The following SETD2 variants were observed in gnomAD, a reference collection of about 807,000 sequenced individuals.
SETD2 encodes SET domain containing 2, histone lysine methyltransferase.
SETD2 carries 31 observed loss-of-function variants against 242.1 expected under a neutral mutation model. That is an observed-to-expected ratio of 0.13 (90% CI 0.10 to 0.17). The LOEUF is 0.17. SETD2 is among the 10% of genes least tolerant of loss of function. SETD2 has a pLI of 1.00. For missense variants in SETD2, 2,481 were observed against 3,046.3 expected, an observed-to-expected ratio of 0.81 and a Z score of 4.37; for synonymous variants, 1,006 against 1,066.5, an observed-to-expected ratio of 0.94 and a Z score of 1.11.
intron 14 of SETD2, among the ~76,000 whole-genome samples, chr3:47,061,440 A>T: frequency 6.6e-6 from 1 of 152,160 alleles, no homozygotes; most frequent in Non-Finnish European, 1.5e-5. Context: ...ACAGCACCTT[A>T]CAGTAGGGAA....
intron 15 of SETD2, 109 bp from the exon 16 acceptor site, chr3:47,046,730 T>C (rs2039549522): frequency 1.0e-6 from 1 of 984,056 alleles, no homozygotes; most frequent in Middle Eastern, 3.6e-4. Context: ...CATTTTAAAA[T>C]TTTTTGTTTA....
At chr3:47,138,101 A>C (rs1312857339) in intron 1 of SETD2, among the ~76,000 whole-genome samples, 1 of 150,444 alleles carries the variant, frequency 6.6e-6, no homozygotes, top group Non-Finnish European at 1.5e-5. Flanking sequence ...CCTCCCGAGT[A>C]GCTGGGACTA....
At chr3:47,104,948 T>C (rs2042352134) in intron 6 of SETD2, among the ~76,000 whole-genome samples, 1 of 152,128 alleles carries the variant, frequency 6.6e-6, no homozygotes, top group Non-Finnish European at 1.5e-5. Context: ...TTTTTTGTTT[T>C]TGTAGAGATG....
At chr3:47,116,594 G>A (rs1434325234) in intron 4 of SETD2, 29 bp downstream of exon 4, 1 of 1,590,272 alleles carries the variant, frequency 6.3e-7, no homozygotes, top group Admixed American at 1.8e-5. Flanking sequence ...GAAGTGTTGA[G>A]CAAAAGCCGA....
intron 2 of SETD2, among the ~76,000 whole-genome samples, 193 bp downstream of exon 2, chr3:47,126,455 T>A (rs1480351279): frequency 6.6e-6 from 1 of 152,248 alleles, no homozygotes; most frequent in Non-Finnish European, 1.5e-5. Context: ...TTAAAAACCA[T>A]TTTTCTGAGA....
intron 1 of SETD2, among the ~76,000 whole-genome samples, chr3:47,162,395 C>G (rs1350797360): frequency 6.6e-6 from 1 of 151,996 alleles, no homozygotes; most frequent in Non-Finnish European, 1.5e-5. Context: ...AGTAGCAAAA[C>G]AAAAAGACCA....
At chr3:47,158,205 GA>G (rs909163546) in intron 1 of SETD2, among the ~76,000 whole-genome samples, 2 of 151,924 alleles carry the variant, frequency 1.3e-5, no homozygotes, top group Non-Finnish European at 2.9e-5. Flanking sequence ...ATATTGAGGG[GA>G]AAAAAACCAA....
At chr3:47,021,160 A>G (rs1297567057) in intron 18 of SETD2, among the ~76,000 whole-genome samples, 2 of 152,194 alleles carry the variant, frequency 1.3e-5, no homozygotes, top group Non-Finnish European at 2.9e-5. Flanking sequence ...TGGTATGAGT[A>G]TGCTCCACAG....
intron 3 of SETD2, among the ~76,000 whole-genome samples, chr3:47,117,285 C>CAAAAAAAA (rs1191196844): frequency 1.2e-4 from 3 of 24,792 alleles, no homozygotes; most frequent in African/African-American, 4.6e-4. Flanking sequence ...AAAAAACAAA[C>CAAAAAAAA]AAAAAAAAAA....
At chr3:47,064,449 C>T (rs564406248) in intron 13 of SETD2, 1 of 181,302 alleles carries the variant, frequency 5.5e-6, no homozygotes, top group Admixed American at 6.1e-5. Flanking sequence ...CTACCCACGT[C>T]TATCTTGCTT....
At chr3:47,159,187 T>C (rs922139656) in intron 1 of SETD2, among the ~76,000 whole-genome samples, 2 of 152,240 alleles carry the variant, frequency 1.3e-5, no homozygotes, top group Admixed American at 6.5e-5. Context: ...TCCAGCTTCA[T>C]GGCTTGAATA....
chr3:47,121,139 T>C lies in SETD2; in HGVS notation c.3497A>G (p.Asp1166Gly), dbSNP rs2106640736. ...TGTATGACTTGTACTATCAACCCCATCACTCTGAGGATGAGAAAGTTCAGG... is the reference window on the plus strand; with the variant it reads ...TGTATGACTTGTACTATCAACCCCACCACTCTGAGGATGAGAAAGTTCAGG... ...RLPELSHPQS[D>G]GVDSTSHTDV... is the part of the protein sequence containing the mutation. Residue 1166 changes from aspartate to glycine, a missense_variant, in exon 3 of 21, where the codon GAT becomes GGT. This residue lies in a region of SETD2 where 1,300 missense variants were observed against 1,259.2 expected (regional missense o/e 1.03). Transcript: ENST00000409792. 4.3e-6 allele frequency: 7 copies of C among 1,614,168 alleles called. No homozygotes were observed. Among genetic ancestry groups the C allele is most frequent in the South Asian group, 3.3e-5 (3 of 91,082 alleles).
intron 1 of SETD2, among the ~76,000 whole-genome samples, chr3:47,133,408 C>CA (rs1272156312): frequency 6.6e-6 from 1 of 151,992 alleles, no homozygotes; most frequent in Non-Finnish European, 1.5e-5. Flanking sequence ...TAAAGATAAT[C>CA]AAATATGAAA....
At chr3:47,139,232 A>G (rs1245122908) in intron 1 of SETD2, among the ~76,000 whole-genome samples, 1 of 152,058 alleles carries the variant, frequency 6.6e-6, no homozygotes, top group Non-Finnish European at 1.5e-5. Context: ...CATCACCCCC[A>G]TATCTACCTT....
chr3:47,120,929 C>T lies in SETD2; in HGVS notation c.3707G>A (p.Ser1236Asn), dbSNP rs1398117976. The change falls in exon 3 of 21, where the codon AGT becomes AAT. Residue 1236 changes from serine (S) to asparagine (N), a missense_variant. This residue lies in a region of SETD2 where 1,300 missense variants were observed against 1,259.2 expected (regional missense o/e 1.03). Coordinates refer to ENST00000409792, the MANE Select transcript of SETD2 (RefSeq NM_014159.7). The part of the protein sequence containing the change: ...PDSRLGKTEL[S>N]FSSSCEIPHV... ...TGGTATCTCACAAGAGGAAGAAAAA[C>T]TCAATTCTGTTTTTCCCAGTCTACT... 3 of 1,614,094 alleles carry T rather than the reference C, an allele frequency of 1.9e-6. No individual in the cohort carries two copies. The highest frequency in any genetic ancestry group is 1.3e-5 in the African/African-American group (1 of 74,938).
chr3:47,056,124 T>C (rs1382327225), intron 15 of SETD2, among the ~76,000 whole-genome samples: 12 of 147,982 alleles, frequency 8.1e-5, no homozygotes, highest in African/African-American at 3.0e-4. Flanking sequence ...ATTTATTTAT[T>C]TATTTATTTA....
rs562674612 is a variant in SETD2 at position 47,127,683 on chromosome 3, G to A, written c.72-1020C>T. On this transcript the variant is annotated intron_variant, in intron 1 of 20. Coordinates refer to ENST00000409792, the MANE Select transcript of SETD2 (RefSeq NM_014159.7). ...TCGAGACCAGCCTGGCCAACATGGT[G>A]AAACCCCATCTCTACTAAAAATACA... 1.9e-3 allele frequency: 585 copies of A among 301,446 alleles called. 1 individual carries two copies. The highest frequency in any genetic ancestry group is 3.1e-3 in the Non-Finnish European group (469 of 151,636). 18.7% of individuals were successfully genotyped at this position (301,446 alleles called of 1,614,324 possible). A position where few individuals can be genotyped will look rare whatever the true frequency, so the allele number is the denominator to read the frequency against.
intron 10 of SETD2, among the ~76,000 whole-genome samples, chr3:47,087,550 C>A (rs1372376169): frequency 6.6e-6 from 1 of 152,214 alleles, no homozygotes; most frequent in Non-Finnish European, 1.5e-5. Context: ...CGTTCCTAAT[C>A]AGCCCATGGC....
chr3:47,034,158 A>G (rs1225172145), intron 18 of SETD2, among the ~76,000 whole-genome samples: 1 of 152,080 alleles, frequency 6.6e-6, no homozygotes, highest in Non-Finnish European at 1.5e-5. Context: ...TTATTTGCGG[A>G]TTTATTTATG....
Sources: gnomAD v4.1 joint callset for allele counts (sites outside exome capture counted in the v4.1 genomes callset) on GRCh38, gnomAD v4.1.1 for gene constraint, gnomAD v4.1.1 regional missense constraint, MANE v1.5 for transcripts, NCBI Gene and HGNC (gene_info 2026-07-23, HGNC 2026-07-21) for gene names.